Variants in ATP6V0E1 observed in about 807,000 individuals in gnomAD.
ATP6V0E1 encodes ATPase H+ transporting V0 subunit e1, also known as V-type proton ATPase subunit e 1.
A neutral mutation model predicts 11.6 loss-of-function variants in ATP6V0E1; 4 were observed. The observed-to-expected ratio is 0.35, with a 90% CI of 0.17 to 0.79. The LOEUF (loss-of-function observed/expected upper bound fraction) is 0.79, where lower values mean the gene tolerates loss of function less well. ATP6V0E1 is among the 30% of genes least tolerant of loss of function. The probability of loss-of-function intolerance (pLI) is 0.54; values close to 1 mark genes in which losing one functional copy is unlikely to be tolerated. For missense variants in ATP6V0E1, 105 were observed against 100.0 expected, an observed-to-expected ratio of 1.05 and a Z score of -0.21; for synonymous variants, 36 against 34.8, an observed-to-expected ratio of 1.04 and a Z score of -0.13.
At chr5:172,986,373 ACC>A (rs1347208969) in intron 1 of ATP6V0E1, among the ~76,000 whole-genome samples, 1 of 152,202 alleles carries the variant, frequency 6.6e-6, no homozygotes, top group East Asian at 1.9e-4. Flanking sequence ...GGTGGCTCAC[ACC>A]CATAATATGC....
intron 3 of ATP6V0E1, among the ~76,000 whole-genome samples, chr5:173,030,116 A>G (rs1032433278): frequency 1.3e-5 from 2 of 152,280 alleles, no homozygotes; most frequent in East Asian, 1.9e-4. Flanking sequence ...GGCAAATCCT[A>G]GCACTTCCTT....
intron 3 of ATP6V0E1, among the ~76,000 whole-genome samples, chr5:173,033,088 C>A (rs1276335462): frequency 6.6e-6 from 1 of 152,136 alleles, no homozygotes; most frequent in Non-Finnish European, 1.5e-5. Flanking sequence ...GAGAGCGAGA[C>A]TGTCTGAAAA....
chr5:173,030,858 C>T (rs1756638312), intron 3 of ATP6V0E1, among the ~76,000 whole-genome samples: 2 of 152,170 alleles, frequency 1.3e-5, no homozygotes, highest in African/African-American at 4.8e-5. Flanking sequence ...AAGTGATTCT[C>T]CTGCCTCAGC....
intron 3 of ATP6V0E1, among the ~76,000 whole-genome samples, chr5:173,025,642 G>T (rs537278796): frequency 6.8e-6 from 1 of 146,622 alleles, no homozygotes; most frequent in African/African-American, 2.5e-5. Context: ...CTGTAGACAC[G>T]TGACACCACG....
At chr5:172,990,800 C>G (rs1236513716) in intron 1 of ATP6V0E1, among the ~76,000 whole-genome samples, 2 of 150,744 alleles carry the variant, frequency 1.3e-5, no homozygotes, top group Admixed American at 6.6e-5. Context: ...GCACTCCAGC[C>G]TGGACGACAG....
intron 2 of ATP6V0E1, among the ~76,000 whole-genome samples, chr5:173,017,987 CCCT>C (rs1389566245): frequency 1.3e-5 from 2 of 152,102 alleles, no homozygotes; most frequent in African/African-American, 4.8e-5. Context: ...CTTAACCCTG[CCCT>C]CCTCCCCACA....
Position 172,983,844 on chromosome 5 carries a change from G to A in ATP6V0E1, c.-17G>A. On this transcript the variant is annotated 5_prime_UTR_variant, in exon 1 of 4. Transcript: ENST00000519374. ...GAGTGAGGCGACGGGGTAGGGGTTG[G>A]CGCTCAGGCGGCGACCATGGCGTAT... 1 of 1,612,418 alleles carries A rather than the reference G, an allele frequency of 6.2e-7. No individual in the cohort carries two copies. Among genetic ancestry groups the A allele is most frequent in the Non-Finnish European group, 8.5e-7 (1 of 1,178,774 alleles).
At chr5:173,021,856 G>A (rs186900016) in intron 3 of ATP6V0E1, among the ~76,000 whole-genome samples, 1 of 152,286 alleles carries the variant, frequency 6.6e-6, no homozygotes, top group African/African-American at 2.4e-5. Flanking sequence ...AGACCACGGT[G>A]AAACCCATCT....
chr5:173,020,542 C>T (rs544525240), intron 3 of ATP6V0E1, 175 bp downstream of exon 3: 1 of 573,366 alleles, frequency 1.7e-6, no homozygotes, highest in African/African-American at 1.9e-5. Flanking sequence ...ACCTAAATCT[C>T]ATTAAGATTC....
intron 2 of ATP6V0E1, among the ~76,000 whole-genome samples, chr5:173,009,575 G>A (rs905136929): frequency 1.4e-5 from 2 of 142,846 alleles, no homozygotes; most frequent in Non-Finnish European, 3.0e-5. Flanking sequence ...AGTGATTCTC[G>A]TGCCTCAGCC....
chr5:172,986,373 A>G (rs1755897457), intron 1 of ATP6V0E1, among the ~76,000 whole-genome samples: 1 of 152,202 alleles, frequency 6.6e-6, no homozygotes, highest in Admixed American at 6.5e-5. Flanking sequence ...GGTGGCTCAC[A>G]CCCATAATAT....
chr5:173,017,727 G>A (rs1483940385), intron 2 of ATP6V0E1, among the ~76,000 whole-genome samples: 1 of 149,774 alleles, frequency 6.7e-6, no homozygotes, highest in Non-Finnish European at 1.5e-5. Context: ...TGTAATTCCA[G>A]CTACTCAGGA....
chr5:172,996,603 A>G (rs1230838002), intron 2 of ATP6V0E1, among the ~76,000 whole-genome samples: 1 of 152,110 alleles, frequency 6.6e-6, no homozygotes, highest in African/African-American at 2.4e-5. Flanking sequence ...ACATACATAA[A>G]GTCACATTCC....
Position 173,030,403 on chromosome 5 carries a change from A to G in ATP6V0E1, c.*37-3996A>G, listed in dbSNP as rs899754801. On this transcript the variant is annotated intron_variant, in intron 3 of 3. Transcript: ENST00000519374. ...CCCCGAACAGATTTCTTGGTTCTAG[A>G]CTTAATATTTTTATGTTATCTTCAT... 1.1e-4 allele frequency among the ~76,000 whole-genome samples: 17 copies of G among 151,062 alleles called. No homozygotes were observed. The East Asian group carries it at 3.1e-3, about 28-fold the overall frequency.
At chr5:173,029,262 A>C (rs1344774636) in intron 3 of ATP6V0E1, among the ~76,000 whole-genome samples, 3 of 152,156 alleles carry the variant, frequency 2.0e-5, no homozygotes, top group African/African-American at 7.2e-5. Context: ...TCGTGTGGTT[A>C]AAAAGTAAAT....
In ATP6V0E1 at chr5:173,020,218, C is replaced by T. The variant is rs1756458172; in HGVS notation, c.153-20C>T. The stretch of plus-strand genomic sequence containing the variant: ...ACATGATTTCACCGCTTCGTTGTTT[C>T]TCTCCCATCCTTCTTTTAGTTGGCT... On this transcript the variant is annotated intron_variant, in intron 2 of 3. Coordinates refer to ENST00000519374, the MANE Select transcript of ATP6V0E1 (RefSeq NM_003945.4). 1 of 1,587,644 alleles carries T rather than the reference C, an allele frequency of 6.3e-7. No homozygotes were observed. Among genetic ancestry groups the T allele is most frequent in the Non-Finnish European group, 8.6e-7 (1 of 1,156,430 alleles).
At chr5:173,034,117 T>C (rs1756704963) in intron 3 of ATP6V0E1, among the ~76,000 whole-genome samples, 1 of 152,320 alleles carries the variant, frequency 6.6e-6, no homozygotes, top group South Asian at 2.1e-4. Flanking sequence ...ATTCATTAGA[T>C]TCCAGCACAA....
chr5:172,999,095 C>A (rs921310331), intron 2 of ATP6V0E1, among the ~76,000 whole-genome samples: 4 of 152,032 alleles, frequency 2.6e-5, no homozygotes, highest in Non-Finnish European at 5.9e-5. Context: ...GAGATTGTGC[C>A]ATTGCACTCC....
At chr5:173,000,391 A>G (rs1423956652) in intron 2 of ATP6V0E1, among the ~76,000 whole-genome samples, 1 of 152,174 alleles carries the variant, frequency 6.6e-6, no homozygotes, top group Non-Finnish European at 1.5e-5. Flanking sequence ...TTAATTTTTA[A>G]TGTTGAATTA....
Sources: gnomAD v4.1 joint callset for allele counts (sites outside exome capture counted in the v4.1 genomes callset) on GRCh38, gnomAD v4.1.1 for gene constraint, MANE v1.5 for transcripts, NCBI Gene and HGNC (gene_info 2026-07-23, HGNC 2026-07-21) for gene names.